Variants in PIK3C2A observed in about 807,000 individuals in gnomAD.
PIK3C2A encodes phosphatidylinositol 4-phosphate 3-kinase C2 domain-containing subunit alpha.
Under a neutral mutation model 204.5 loss-of-function variants are expected in PIK3C2A, and 97 were observed. That is an observed-to-expected ratio of 0.47 (90% CI 0.40 to 0.56). The LOEUF is 0.56. PIK3C2A is among the 20% of genes least tolerant of loss of function. The probability of loss-of-function intolerance (pLI) is 0.00; values close to 1 mark genes in which losing one functional copy is unlikely to be tolerated. For synonymous variants in PIK3C2A, 653 were observed against 664.4 expected (o/e 0.98, Z 0.26); for missense variants, 1,735 against 1,969.2 (o/e 0.88, Z 2.25).
chr11:17,148,763 A>G lies in PIK3C2A; in HGVS notation c.1352T>C (p.Ile451Thr), dbSNP rs374707493. The stretch of plus-strand genomic sequence containing the variant: ...ATGTACCCAGCAAAGGGCTTGCATT[A>G]TAATGATTTCTACAGTAGAACTCAC... Reference protein sequence around the residue: ...CDVSSTVEIIIMQALCWVHDD... With the variant: ...CDVSSTVEIITMQALCWVHDD... The change falls in exon 5 of 33, where the codon ATA becomes ACA. Residue 451 changes from isoleucine to threonine, a missense_variant. Ile to Thr is a moderately conservative substitution (Grantham distance 89, BLOSUM62 -1). This residue lies in a region of PIK3C2A where 536 missense variants were observed against 546.7 expected (regional missense o/e 0.98). Transcript: ENST00000691414. The G allele has an allele frequency of 2.4e-5, 38 of 1,612,080 alleles. No homozygotes were observed. Among genetic ancestry groups the G allele is most frequent in the East Asian group, 2.2e-4 (10 of 44,788 alleles).
At chr11:17,119,361 TG>T in intron 16 of PIK3C2A, 48 bp from the exon 17 acceptor site, 1 of 1,092,514 alleles carries the variant, frequency 9.2e-7, no homozygotes, top group South Asian at 1.3e-5. Context: ...TTCTTTCCAG[TG>T]AAGCTGTATT....
chr11:17,120,282 A>T (rs1590930311), intron 15 of PIK3C2A, among the ~76,000 whole-genome samples: 1 of 152,214 alleles, frequency 6.6e-6, no homozygotes, highest in Admixed American at 6.5e-5. Flanking sequence ...AGAGTTGAAA[A>T]AGCAGATCCC....
rs780419759 is a variant in PIK3C2A at position 17,134,805 on chromosome 11, A to G, written c.2108+14T>C. 6.3e-7 allele frequency: 1 copy of G among 1,592,496 alleles called. No individual in the cohort carries two copies. Among genetic ancestry groups the G allele is most frequent in the Admixed American group, 1.7e-5 (1 of 60,000 alleles). ...TGCAAGCCACCATGCCTGGCTGCTT[A>G]AACAGTTACTTACTTTGATACCCAA... is the stretch of plus-strand genomic sequence containing the variant. On this transcript the variant is annotated intron_variant, in intron 11 of 32. Transcript: ENST00000691414.
chr11:17,115,454 T>C lies in PIK3C2A; in HGVS notation c.3217-989A>G, dbSNP rs543613822. ...TACTTGGGAGGCTGAAGCGAGAAGA[T>C]CACTTGAGCCCAGGAGGCTGAGGCT... On this transcript the variant is annotated intron_variant, in intron 19 of 32. Coordinates refer to ENST00000691414, the MANE Select transcript of PIK3C2A (RefSeq NM_002645.4). Among the ~76,000 whole-genome samples the C allele has an allele frequency of 6.9e-5, 10 of 144,216 alleles. No homozygotes were observed. In the East Asian group the frequency reaches 1.2e-3, roughly 18 times the overall value. 94.6% of individuals were successfully genotyped at this position (144,216 alleles called of 152,430 possible).
rs1173337294 is a variant in PIK3C2A at position 17,150,457 on chromosome 11, T to A, written c.1327+41A>T. 10 of 1,519,484 alleles carry A rather than the reference T, an allele frequency of 6.6e-6. No homozygotes were observed. In the East Asian group the frequency reaches 2.4e-4, roughly 36 times the overall value. The allele number at this position is 1,519,484 out of a possible 1,614,324, so 94.1% of individuals were successfully genotyped here. Reference sequence around the variant, plus strand: ...TATTGATATTTTAAACATTTCCCCCTAACAGAGCAAAACGAGAGGCTTGAG... The same window carrying A: ...TATTGATATTTTAAACATTTCCCCCAAACAGAGCAAAACGAGAGGCTTGAG... On this transcript the variant is annotated intron_variant, in intron 4 of 32. Coordinates refer to ENST00000691414, the MANE Select transcript of PIK3C2A (RefSeq NM_002645.4).
intron 1 of PIK3C2A, among the ~76,000 whole-genome samples, chr11:17,204,686 T>C (rs1176253387): frequency 1.3e-5 from 2 of 152,188 alleles, no homozygotes; most frequent in African/African-American, 4.8e-5. Flanking sequence ...TCATTCATTT[T>C]TCTTATCCCT....
intron 12 of PIK3C2A, among the ~76,000 whole-genome samples, chr11:17,131,636 T>C (rs933002482): frequency 2.0e-5 from 3 of 152,138 alleles, no homozygotes; most frequent in Admixed American, 2.0e-4. Context: ...TTAACCAGGA[T>C]GGTCTCGATC....
chr11:17,170,376 A>G (rs573135046), intron 1 of PIK3C2A, among the ~76,000 whole-genome samples: 4 of 152,352 alleles, frequency 2.6e-5, no homozygotes, highest in African/African-American at 9.6e-5. Context: ...AAAAATGTAT[A>G]ATGTAACATG....
At chr11:17,104,715 A>C (rs1590909731) in intron 23 of PIK3C2A, among the ~76,000 whole-genome samples, 1 of 117,174 alleles carries the variant, frequency 8.5e-6, no homozygotes, top group African/African-American at 3.5e-5. Flanking sequence ...ACAGAGTGAG[A>C]CTCCATCTCA....
chr11:17,099,626 A>T (rs529822357), intron 26 of PIK3C2A, among the ~76,000 whole-genome samples: 57 of 151,408 alleles, frequency 3.8e-4, no homozygotes, highest in Non-Finnish European at 2.6e-4. Context: ...ATTACATATT[A>T]AATAAACCTT....
intron 20 of PIK3C2A, among the ~76,000 whole-genome samples, chr11:17,113,781 C>CCAAAA (rs1555018790): frequency 1.3e-5 from 1 of 76,950 alleles, no homozygotes. Flanking sequence ...GACTCCATCT[C>CCAAAA]AAAAAAAAAA....
At chr11:17,112,123 C>T (rs1045052759) in intron 21 of PIK3C2A, among the ~76,000 whole-genome samples, 1 of 152,006 alleles carries the variant, frequency 6.6e-6, no homozygotes, top group Non-Finnish European at 1.5e-5. Flanking sequence ...AATTCTTCAT[C>T]CTGTCTTCAA....
intron 1 of PIK3C2A, chr11:17,194,149 G>A (rs1852056171): frequency 1.3e-6 from 1 of 744,374 alleles, no homozygotes; most frequent in African/African-American, 1.8e-5. Context: ...CCCACCCCAA[G>A]CTTGGGAAGC....
Position 17,102,766 on chromosome 11 carries a change from A to G in PIK3C2A, c.3747T>C (p.Cys1249=). 2.5e-6 allele frequency: 4 copies of G among 1,613,058 alleles called. No homozygotes were observed. Among genetic ancestry groups the G allele is most frequent in the Non-Finnish European group, 3.4e-6 (4 of 1,179,082 alleles). ...CCVATYVLGI[C]DRHNDNIMLR... ...GCATTATATTGTCATTGTGTCGATCACAGATGCCTAAAACATAGGTGGCTA... is the reference window on the plus strand; with the variant it reads ...GCATTATATTGTCATTGTGTCGATCGCAGATGCCTAAAACATAGGTGGCTA... The change falls in exon 24 of 33, where the codon TGT becomes TGC. Residue 1249 remains cysteine (C), a synonymous_variant. Coordinates refer to ENST00000691414, the MANE Select transcript of PIK3C2A (RefSeq NM_002645.4).
At chr11:17,199,060 A>G (rs1852269017) in intron 1 of PIK3C2A, among the ~76,000 whole-genome samples, 1 of 150,554 alleles carries the variant, frequency 6.6e-6, no homozygotes. Context: ...CAGAGGTTGC[A>G]GTGAGCTGAG....
chr11:17,110,645 A>T (rs1848972992), intron 21 of PIK3C2A, 84 bp from the exon 22 acceptor site: 1 of 1,291,188 alleles, frequency 7.7e-7, no homozygotes, highest in South Asian at 1.5e-5. Flanking sequence ...TAATCCCAGC[A>T]CTTTGGGAGG....
At position 17,102,645 on chromosome 11, in the gene PIK3C2A, C is replaced by T. The variant is rs537739986; in HGVS notation, c.3851+17G>A. 3.2e-6 allele frequency: 5 copies of T among 1,563,064 alleles called. No homozygotes were observed. The Admixed American group carries it at 5.9e-5, about 18-fold the overall frequency. Reference sequence around the variant, plus strand: ...AGGAAGTGCCTCATTTCTTTGGCAACAGCAATAACATTATACCTTTTGAAG... The same window carrying T: ...AGGAAGTGCCTCATTTCTTTGGCAATAGCAATAACATTATACCTTTTGAAG... On this transcript the variant is annotated intron_variant, in intron 24 of 32. Transcript: ENST00000691414.
intron 13 of PIK3C2A, among the ~76,000 whole-genome samples, chr11:17,126,390 CAA>C (rs955158685): frequency 2.0e-5 from 3 of 150,094 alleles, no homozygotes; most frequent in East Asian, 3.9e-4. Context: ...TCCATCTCTA[CAA>C]AAAAAAAGTT....
At position 17,147,453 on chromosome 11, in the gene PIK3C2A, T is replaced by C. The variant is rs565377276; in HGVS notation, c.1560+64A>G. ...CATGAAAAATGTACAAGTTGAAAAT[T>C]GGCAAATTAGCAGAATTATTCAGAT... On this transcript the variant is annotated intron_variant, in intron 6 of 32. Coordinates refer to ENST00000691414, the MANE Select transcript of PIK3C2A (RefSeq NM_002645.4). 5.7e-6 allele frequency: 5 copies of C among 880,912 alleles called. No individual in the cohort carries two copies. The African/African-American group carries it at 8.3e-5, about 15-fold the overall frequency. 54.6% of individuals were successfully genotyped at this position (880,912 alleles called of 1,614,324 possible).
Sources: gnomAD v4.1 joint callset for allele counts (sites outside exome capture counted in the v4.1 genomes callset) on GRCh38, gnomAD v4.1.1 for gene constraint, gnomAD v4.1.1 regional missense constraint, MANE v1.5 for transcripts, NCBI Gene and HGNC (gene_info 2026-07-23, HGNC 2026-07-21) for gene names.